The following ATXN7 variants were observed in gnomAD, a reference collection of about 807,000 sequenced individuals.
The protein encoded by ATXN7 is ataxin 7.
ATXN7 carries 12 observed loss-of-function variants against 70.5 expected under a neutral mutation model. The ratio of observed to expected loss-of-function variants is 0.17; its 90% CI spans 0.11 to 0.28. The LOEUF is 0.28. ATXN7 is among the 10% of genes least tolerant of loss of function. The pLI is 1.00. For missense variants in ATXN7, 1,256 were observed against 1,131.7 expected (o/e 1.11, Z -1.58); for synonymous variants, 498 against 448.7 (o/e 1.11, Z -1.39).
At chr3:63,894,457 G>A (rs1024318212) in intron 1 of ATXN7, among the ~76,000 whole-genome samples, 1 of 152,218 alleles carries the variant, frequency 6.6e-6, no homozygotes, top group Non-Finnish European at 1.5e-5. Flanking sequence ...GAGTTAGGTG[G>A]CTCAGCTGAA....
At chr3:63,954,222 A>G (rs1488654321) in intron 5 of ATXN7, among the ~76,000 whole-genome samples, 1 of 152,200 alleles carries the variant, frequency 6.6e-6, no homozygotes, top group Non-Finnish European at 1.5e-5. Context: ...GTAATGCACT[A>G]AAGATGGGAG....
rs1201402715 is a variant in ATXN7 at position 63,980,144 on chromosome 3, A to C, written c.729A>C (p.Gln243His). 1 of 1,614,192 alleles carries C rather than the reference A, an allele frequency of 6.2e-7. No individual in the cohort carries two copies. The highest frequency in any genetic ancestry group is 2.2e-5 in the East Asian group (1 of 44,878). The change falls in exon 6 of 13, where the codon CAA becomes CAC. Residue 243 changes from glutamine to histidine, a missense_variant. Physicochemically the swap from Gln to His is conservative, Grantham distance 24 (BLOSUM62 0). Coordinates refer to ENST00000674280, the MANE Select transcript of ATXN7 (RefSeq NM_001377405.1). ...CCAGGCCAATGCATCCCATTCAGCA[A>C]AGTAGAGTTCCCCATGGTAGAATGT... ...GNTRPMHPIQ[Q>H]SRVPHGRIMT... is the part of the protein sequence containing the mutation.
intron 2 of ATXN7, chr3:63,905,569 C>T (rs1007451088): frequency 3.3e-5 from 5 of 152,142 alleles, no homozygotes; most frequent in Non-Finnish European, 7.3e-5. Context: ...TAATTGCCCG[C>T]TTGTGATTGC....
chr3:63,916,339 C>T (rs1704267745), intron 4 of ATXN7, among the ~76,000 whole-genome samples: 1 of 151,988 alleles, frequency 6.6e-6, no homozygotes, highest in Non-Finnish European at 1.5e-5. Context: ...ATTGTAGTTC[C>T]CCTGAAATTG....
intron 2 of ATXN7, chr3:63,904,016 C>T (rs1703744748): frequency 6.6e-6 from 1 of 152,148 alleles, no homozygotes; most frequent in Non-Finnish European, 1.5e-5. Context: ...GATTGTATAA[C>T]TGTTTCTTCT....
intron 5 of ATXN7, among the ~76,000 whole-genome samples, chr3:63,972,284 A>T (rs1269373096): frequency 6.6e-6 from 1 of 152,182 alleles, no homozygotes; most frequent in African/African-American, 2.4e-5. Flanking sequence ...TATGTTTTAC[A>T]TTTTATAGCC....
At chr3:63,869,513 T>A (rs1702536380) in intron 1 of ATXN7, among the ~76,000 whole-genome samples, 1 of 152,168 alleles carries the variant, frequency 6.6e-6, no homozygotes, top group African/African-American at 2.4e-5. Context: ...AACTCCTGCC[T>A]CCCAGGGTTC....
intron 5 of ATXN7, among the ~76,000 whole-genome samples, chr3:63,979,336 G>A (rs2075446685): frequency 6.6e-6 from 1 of 152,188 alleles, no homozygotes; most frequent in Non-Finnish European, 1.5e-5. Flanking sequence ...GGTGGGAAGT[G>A]AAATGATTCA....
intron 11 of ATXN7, among the ~76,000 whole-genome samples, chr3:63,993,499 C>T (rs1276297363): frequency 2.0e-5 from 3 of 151,734 alleles, no homozygotes; most frequent in Admixed American, 6.6e-5. Context: ...CATTGAAAAC[C>T]GAGTCCTCCT....
At chr3:63,885,911 A>T (rs1394897174) in intron 1 of ATXN7, among the ~76,000 whole-genome samples, 1 of 152,086 alleles carries the variant, frequency 6.6e-6, no homozygotes, top group African/African-American at 2.4e-5. Flanking sequence ...CAGCTACTTG[A>T]GAGGCTGAGC....
chr3:63,939,467 TAAAC>T (rs562591661), intron 4 of ATXN7, among the ~76,000 whole-genome samples: 112 of 152,132 alleles, frequency 7.4e-4, no homozygotes, highest in Non-Finnish European at 1.0e-3. Context: ...AACATAATAA[TAAAC>T]AAACTGATGA....
At chr3:63,988,376 G>A in intron 9 of ATXN7, 52 bp downstream of exon 9, 1 of 1,604,008 alleles carries the variant, frequency 6.2e-7, no homozygotes. Flanking sequence ...GAGACTTGCA[G>A]ATACTGTAAA....
Position 63,876,214 on chromosome 3 carries a change from A to G in ATXN7, c.-111+12056A>G, listed in dbSNP as rs539119987. Among the ~76,000 whole-genome samples, 82 of 152,194 alleles carry G rather than the reference A, an allele frequency of 5.4e-4. 3 individuals carry two copies. In the South Asian group the frequency reaches 7.5e-3, roughly 14 times the overall value. On this transcript the variant is annotated intron_variant, in intron 1 of 12. Transcript: ENST00000674280. ...CTACATTGAAAAATAAGTATTTTTC[A>G]TTTCCTTATACTTTTTTCACTGGCA...
intron 8 of ATXN7, among the ~76,000 whole-genome samples, 191 bp downstream of exon 8, chr3:63,983,212 A>T (rs1053013471): frequency 6.6e-6 from 1 of 152,214 alleles, no homozygotes; most frequent in Non-Finnish European, 1.5e-5. Context: ...GTGCGTTGTT[A>T]TAAATTATAA....
intron 4 of ATXN7, among the ~76,000 whole-genome samples, chr3:63,942,482 T>C (rs1179561056): frequency 6.6e-6 from 1 of 152,184 alleles, no homozygotes; most frequent in Non-Finnish European, 1.5e-5. Context: ...TTTTTTTTCT[T>C]TTGTGTAGGG....
At chr3:63,952,710 A>G (rs1005240950) in intron 5 of ATXN7, among the ~76,000 whole-genome samples, 1 of 152,062 alleles carries the variant, frequency 6.6e-6, no homozygotes, top group Admixed American at 6.5e-5. Context: ...GAGAAAGTAT[A>G]GTTTATAAAA....
chr3:63,907,522 C>T lies in ATXN7; in HGVS notation c.-11-5066C>T, dbSNP rs189079368. 1.2e-4 allele frequency among the ~76,000 whole-genome samples: 18 copies of T among 146,734 alleles called. No individual in the cohort carries two copies. In the East Asian group the frequency reaches 2.4e-3, roughly 20 times the overall value. ...TCATCCAGGCTGGAGTACAGTGGCA[C>T]GATCTCAGTTCACTGCAGCCTCAAT... On this transcript the variant is annotated intron_variant, in intron 2 of 12. Coordinates refer to ENST00000674280, the MANE Select transcript of ATXN7 (RefSeq NM_001377405.1).
chr3:63,983,091 TC>T, intron 8 of ATXN7, 70 bp downstream of exon 8: 2 of 1,182,612 alleles, frequency 1.7e-6, no homozygotes, highest in Non-Finnish European at 2.5e-6. Flanking sequence ...ACCACACTAC[TC>T]CCACAGTCTC....
chr3:63,940,560 A>G (rs73117066), intron 4 of ATXN7, among the ~76,000 whole-genome samples: 15,864 of 152,238 alleles, frequency 0.1, 1,014 homozygotes, highest in Middle Eastern at 0.16. Flanking sequence ...CACAATAATA[A>G]TAATAGTAAC....
Sources: allele counts gnomAD v4.1 joint callset (sites outside exome capture counted in the v4.1 genomes callset), GRCh38; gene constraint gnomAD v4.1.1; transcripts MANE v1.5; gene names NCBI Gene and HGNC (gene_info 2026-07-23, HGNC 2026-07-21).